TMEM94: variants seen among roughly 807,000 people sequenced by gnomAD.
The protein encoded by TMEM94 is ER Mg2+ ATPase.
A neutral mutation model predicts 158.6 loss-of-function variants in TMEM94; 81 were observed. That is an observed-to-expected ratio of 0.51 (90% CI 0.43 to 0.61). TMEM94 has a LOEUF of 0.61. Ranked by LOEUF, TMEM94 falls within the 20% of genes least tolerant of loss-of-function variation. The pLI is 0.00. For missense variants in TMEM94, 1,435 were observed against 1,762.0 expected (o/e 0.81, Z 3.32); for synonymous variants, 751 against 730.7 (o/e 1.03, Z -0.45).
intron 26 of TMEM94, 146 bp downstream of exon 26, chr17:75,497,344 CTTTTTTTTTTTTT>C (rs67776731): frequency 3.4e-4 from 44 of 130,360 alleles, no homozygotes; most frequent in South Asian, 4.6e-4. Flanking sequence ...CCCCCTTTGT[CTTTTTTTTTTTTT>C]TTTTTTTTTT....
chr17:75,471,773 A>T, intron 1 of TMEM94, 27 bp from the exon 2 acceptor site: 1 of 852,244 alleles, frequency 1.2e-6, no homozygotes, highest in Non-Finnish European at 1.9e-6. Context: ...CAGCAACCTG[A>T]GTGATTTCTT....
chr17:75,467,732 C>T (rs956099132), intron 1 of TMEM94, among the ~76,000 whole-genome samples: 3 of 151,118 alleles, frequency 2.0e-5, no homozygotes, highest in Non-Finnish European at 4.4e-5. Context: ...CGGGGTTTCA[C>T]CTTGTTAGCC....
chr17:75,495,721 G>T lies in TMEM94; in HGVS notation c.2944+78G>T, dbSNP rs1173228632. 1 of 1,366,964 alleles carries T rather than the reference G, an allele frequency of 7.3e-7. No homozygotes were observed. Among genetic ancestry groups the T allele is most frequent in the Non-Finnish European group, 1.0e-6 (1 of 966,940 alleles). 84.7% of individuals were successfully genotyped at this position (1,366,964 alleles called of 1,614,324 possible). A position where few individuals can be genotyped will look rare whatever the true frequency, so the allele number is the denominator to read the frequency against. ...CTGCCTGGGCCTGCGTACCCCGTGG[G>T]CTCTGGAGGGATGTAGGTTTCCCAT... On this transcript the variant is annotated intron_variant, in intron 22 of 31. Transcript: ENST00000314256. The surrounding 1 kb of genome is among the most constrained non-coding windows in gnomAD (Gnocchi z 5.6).
Position 75,485,637 on chromosome 17 carries a change from AC to A in TMEM94, c.144+93del. On this transcript the variant is annotated intron_variant, in intron 3 of 31. Transcript: ENST00000314256. This position sits in a 1 kb window ranked among gnomAD's most constrained non-coding sequence, Gnocchi z 5.5. The stretch of plus-strand genomic sequence containing the variant: ...TCTCAGGACTCTGATGTACCCTGTC[AC>A]CCTGGACAGTGTGACCCAACTGAGG... The A allele has an allele frequency of 7.1e-6, 11 of 1,551,802 alleles. No homozygotes were observed. The South Asian group carries it at 1.3e-4, about 18-fold the overall frequency.
chr17:75,494,514 TGGTCCCCTGG>T (rs1163254451), intron 18 of TMEM94, 103 bp from the exon 19 acceptor site: 4 of 1,005,748 alleles, frequency 4.0e-6, no homozygotes, highest in Non-Finnish European at 5.8e-6. Context: ...TGGCTGTGTG[TGGTCCCCTGG>T]GGCCCATATG....
intron 1 of TMEM94, chr17:75,457,586 C>T (rs1224725587): frequency 6.6e-6 from 1 of 152,148 alleles, no homozygotes; most frequent in East Asian, 1.9e-4. Context: ...GGAGGGAGCT[C>T]GTTATGGAAT....
At chr17:75,493,232 C>G (rs1037242013) in intron 16 of TMEM94, 130 bp downstream of exon 16, 2 of 1,073,612 alleles carry the variant, frequency 1.9e-6, no homozygotes, top group Admixed American at 2.6e-5. Flanking sequence ...AAGTGTTCCA[C>G]TCTGGCAGGG....
Position 75,498,986 on chromosome 17 carries a change from GCCTGGAGGACGTGC to G in TMEM94, c.3905_3918del (p.Leu1302ProfsTer19). On this transcript the variant is annotated frameshift_variant, in exon 31 of 32. Transcript: ENST00000314256. LOFTEE classifies it high-confidence loss of function. The surrounding 1 kb of genome is among the most constrained non-coding windows in gnomAD (Gnocchi z 6.7). ...CACAGGGACAGCCACGTCCACTTTG[GCCTGGAGGACGTGC>G]CCCTGCTGACATGGCTCCTGGGCTG... 1 of 1,601,816 alleles carries G rather than the reference GCCTGGAGGACGTGC, an allele frequency of 6.2e-7. No individual in the cohort carries two copies. The highest frequency in any genetic ancestry group is 8.5e-7 in the Non-Finnish European group (1 of 1,175,438).
chr17:75,490,150 G>A (rs2052028790), intron 9 of TMEM94, 84 bp from the exon 10 acceptor site: 4 of 1,548,704 alleles, frequency 2.6e-6, no homozygotes, highest in Non-Finnish European at 3.5e-6. Flanking sequence ...CCAGGGAATG[G>A]CCGTGGGGCC....
At position 75,498,994 on chromosome 17, in the gene TMEM94, G is replaced by A; in HGVS notation, c.3910G>A (p.Asp1304Asn). The part of the protein sequence containing the change: ...RDSHVHFGLE[D>N]VPLLTWLLGC... ...CAGCCACGTCCACTTTGGCCTGGAG[G>A]ACGTGCCCCTGCTGACATGGCTCCT... is the stretch of plus-strand genomic sequence containing the variant. The change falls in exon 31 of 32, where the codon GAC becomes AAC. Residue 1304 changes from aspartate (D) to asparagine (N), a missense_variant. Asp to Asn is a conservative substitution (Grantham distance 23). Coordinates refer to ENST00000314256, the MANE Select transcript of TMEM94 (RefSeq NM_014738.6). This position sits in a 1 kb window ranked among gnomAD's most constrained non-coding sequence, Gnocchi z 6.7. 2 of 1,603,024 alleles carry A rather than the reference G, an allele frequency of 1.2e-6. No homozygotes were observed. Among genetic ancestry groups the A allele is most frequent in the Non-Finnish European group, 1.7e-6 (2 of 1,176,190 alleles).
rs1278768343 is a variant in TMEM94 at position 75,491,450 on chromosome 17, C to T, written c.1381C>T (p.Pro461Ser). 1.9e-6 allele frequency: 3 copies of T among 1,613,998 alleles called. No homozygotes were observed. The highest frequency in any genetic ancestry group is 3.3e-5 in the Admixed American group (2 of 60,010). ...DGLSTRSFCH[P>S]EPHERDALLA... ...CCTATCCACCCGCTCCTTCTGCCATCCCGAGGTAGAGGAGGAGGTACGGCC... is the reference window on the plus strand; with the variant it reads ...CCTATCCACCCGCTCCTTCTGCCATTCCGAGGTAGAGGAGGAGGTACGGCC... The change falls in exon 13 of 32, where the codon CCC (proline) becomes TCC (serine). Residue 461 changes from proline (P) to serine (S), a missense_variant. This residue lies in a region of TMEM94 where 1,051 missense variants were observed against 1,254.4 expected (regional missense o/e 0.84). Transcript: ENST00000314256. This position sits in a 1 kb window ranked among gnomAD's most constrained non-coding sequence, Gnocchi z 5.1.
Position 75,495,381 on chromosome 17 carries a change from C to T in TMEM94, c.2826C>T (p.Phe942=). 1 of 1,613,858 alleles carries T rather than the reference C, an allele frequency of 6.2e-7. No homozygotes were observed. Among genetic ancestry groups the T allele is most frequent in the Non-Finnish European group, 8.5e-7 (1 of 1,179,910 alleles). ...FQPTDSDIPS[F]LEDSNRAKLP... is the part of the protein sequence containing the mutation. ...CTACGGACAGCGACATCCCCAGCTT[C>T]CTGGAGGACTCCAACCGGGTACGAT... The change falls in exon 21 of 32, where the codon TTC becomes TTT. Residue 942 remains phenylalanine, a synonymous_variant. Coordinates refer to ENST00000314256, the MANE Select transcript of TMEM94 (RefSeq NM_014738.6). This position sits in a 1 kb window ranked among gnomAD's most constrained non-coding sequence, Gnocchi z 5.6.
chr17:75,497,124 C>T lies in TMEM94; in HGVS notation c.3333C>T (p.Cys1111=). 6.2e-7 allele frequency: 1 copy of T among 1,614,012 alleles called. No individual in the cohort carries two copies. The highest frequency in any genetic ancestry group is 8.5e-7 in the Non-Finnish European group (1 of 1,179,918). ...CTTTCCTGGTCTAGTTCCTTTCTTG[C>T]CTGGTCCAGCTGCCGCCACTCCTGA... ...LTLVVIQFLS[C]LVQLPPLLST... is the part of the protein sequence containing the mutation. Residue 1111 remains cysteine (C), a synonymous_variant, in exon 26 of 32, where the codon TGC becomes TGT. Coordinates refer to ENST00000314256, the MANE Select transcript of TMEM94 (RefSeq NM_014738.6).
chr17:75,488,490 C>A (rs1200300091), intron 6 of TMEM94, among the ~76,000 whole-genome samples: 1 of 152,170 alleles, frequency 6.6e-6, no homozygotes, highest in African/African-American at 2.4e-5. Context: ...GCATGTTGGC[C>A]AGGCTGGTTT....
At chr17:75,462,011 G>GTTTT (rs1156728166) in intron 1 of TMEM94, among the ~76,000 whole-genome samples, 7 of 92,884 alleles carry the variant, frequency 7.5e-5, no homozygotes, top group African/African-American at 2.5e-4. Context: ...GTTTTGTTTT[G>GTTTT]TTTTTTTTTT....
Position 75,489,403 on chromosome 17 carries a change from G to T in TMEM94, c.867+35G>T. The T allele has an allele frequency of 6.3e-7, 1 of 1,596,664 alleles. No individual in the cohort carries two copies. The highest frequency in any genetic ancestry group is 1.1e-5 in the South Asian group (1 of 90,762). On this transcript the variant is annotated intron_variant, in intron 8 of 31. Transcript: ENST00000314256. This position sits in a 1 kb window ranked among gnomAD's most constrained non-coding sequence, Gnocchi z 5.0. Reference sequence around the variant, plus strand: ...GCGGGGCTGTGCGGGGCTGCATGGGGCAGAGGAGAGGGCTGGACACGGGGG... The same window carrying T: ...GCGGGGCTGTGCGGGGCTGCATGGGTCAGAGGAGAGGGCTGGACACGGGGG...
intron 10 of TMEM94, 79 bp from the exon 11 acceptor site, chr17:75,490,623 C>A (rs2052080583): frequency 1.5e-6 from 2 of 1,308,464 alleles, no homozygotes; most frequent in East Asian, 2.3e-5. Flanking sequence ...CTGGTGTGGG[C>A]CCCCCCTCTG....
chr17:75,471,316 C>G (rs2050495959), intron 1 of TMEM94, among the ~76,000 whole-genome samples: 1 of 151,782 alleles, frequency 6.6e-6, no homozygotes, highest in South Asian at 2.1e-4. Context: ...CTCCAGAATC[C>G]TCTCTGTAGC....
chr17:75,486,673 G>A (rs2051643861), intron 5 of TMEM94, among the ~76,000 whole-genome samples: 2 of 152,218 alleles, frequency 1.3e-5, no homozygotes, highest in Admixed American at 6.5e-5. Context: ...AGGTGGGCTT[G>A]CAGGCTGGCT....
Sources: gnomAD v4.1 joint callset for allele counts (sites outside exome capture counted in the v4.1 genomes callset) on GRCh38, gnomAD v4.1.1 for gene constraint, gnomAD v4.1.1 regional missense constraint, Gnocchi (gnomAD v3.1) non-coding constraint, MANE v1.5 for transcripts, NCBI Gene and HGNC (gene_info 2026-07-23, HGNC 2026-07-21) for gene names.